Variants in CACNA2D4 observed in about 807,000 individuals in gnomAD.
CACNA2D4 encodes calcium voltage-gated channel auxiliary subunit alpha2delta 4.
CACNA2D4 carries 157 observed loss-of-function variants against 163.8 expected under a neutral mutation model. That is an observed-to-expected ratio of 0.96 (90% confidence interval 0.84 to 1.09). The LOEUF (loss-of-function observed/expected upper bound fraction) is 1.09. Ranked by LOEUF, CACNA2D4 falls within the 50% of genes least tolerant of loss-of-function variation. The pLI, the probability that CACNA2D4 is intolerant of heterozygous loss-of-function variation, is 0.00. For synonymous variants in CACNA2D4, 598 were observed against 586.9 expected (o/e 1.02, Z -0.27); for missense variants, 1,410 against 1,479.9 (o/e 0.95, Z 0.78).
rs1347230332 is a variant in CACNA2D4 at position 1,885,995 on chromosome 12, G to A, written c.1038C>T (p.Ile346=). The stretch of plus-strand genomic sequence containing the variant: ...GATTGTCTCGGTCCGCCTGGACGAG[G>A]ATCCCTTTAAAACAAGGCTCGATGT... ...VHYIEPCFKG[I]LVQADRDNRE... Residue 346 remains isoleucine (I), a synonymous_variant, in exon 9 of 38, where the codon ATC becomes ATT. Coordinates refer to ENST00000382722, the MANE Select transcript of CACNA2D4 (RefSeq NM_172364.5). 1.2e-6 allele frequency: 2 copies of A among 1,613,518 alleles called. No homozygotes were observed. Among genetic ancestry groups the A allele is most frequent in the African/African-American group, 1.3e-5 (1 of 74,896 alleles).
In CACNA2D4 at chr12:1,854,048, G is replaced by T. The variant is rs766212376; in HGVS notation, c.2153-4C>A. 6.2e-7 allele frequency: 1 copy of T among 1,604,488 alleles called. No homozygotes were observed. Among genetic ancestry groups the T allele is most frequent in the Non-Finnish European group, 8.5e-7 (1 of 1,174,534 alleles). On this transcript the variant is annotated splice_region_variant and splice_polypyrimidine_tract_variant and intron_variant, in intron 22 of 37. Coordinates refer to ENST00000382722, the MANE Select transcript of CACNA2D4 (RefSeq NM_172364.5). Reference sequence around the variant, plus strand: ...TCCCGGACCAGCTCCTCGTCACCTGGGTGCAAAACATCAGGGAACCAGGCC... The same window carrying T: ...TCCCGGACCAGCTCCTCGTCACCTGTGTGCAAAACATCAGGGAACCAGGCC...
intron 6 of CACNA2D4, among the ~76,000 whole-genome samples, chr12:1,901,318 G>T (rs1866531595): frequency 1.3e-5 from 2 of 151,642 alleles, no homozygotes; most frequent in Admixed American, 1.3e-4. Context: ...CAAACCAAAA[G>T]TTAGTAGAAG....
In CACNA2D4 at chr12:1,793,766, A is replaced by G. The variant is rs771223358; in HGVS notation, c.3310-7T>C. Reference sequence around the variant, plus strand: ...CGCAGTCCTGGGCATTCTCCTGCGAACGCAGAGCAGAGGTGACAGCGCGGC... The same window carrying G: ...CGCAGTCCTGGGCATTCTCCTGCGAGCGCAGAGCAGAGGTGACAGCGCGGC... On this transcript the variant is annotated splice_region_variant and splice_polypyrimidine_tract_variant and intron_variant, in intron 37 of 37. Transcript: ENST00000382722. The G allele has an allele frequency of 6.2e-7, 1 of 1,611,806 alleles. No homozygotes were observed. Among genetic ancestry groups the G allele is most frequent in the Admixed American group, 1.7e-5 (1 of 60,006 alleles).
chr12:1,879,827 C>A lies in CACNA2D4; in HGVS notation c.1540G>T (p.Val514Phe). Residue 514 changes from valine to phenylalanine, a missense_variant, in exon 14 of 38, where the codon GTC becomes TTC. Transcript: ENST00000382722. ...ACCGTTTCGTTCTTCTTGCTGAAGA[C>A]TGGCATGGCCACAGTGGTGAGCAGT... ...LTLLTTVAMPVFSKKNETRSH... is the reference protein window; with the variant it reads ...LTLLTTVAMPFFSKKNETRSH... The A allele has an allele frequency of 6.2e-7, 1 of 1,603,124 alleles. No homozygotes were observed. Among genetic ancestry groups the A allele is most frequent in the Non-Finnish European group, 8.5e-7 (1 of 1,174,908 alleles).
At chr12:1,897,903 G>A (rs1021348046) in intron 6 of CACNA2D4, among the ~76,000 whole-genome samples, 2 of 152,110 alleles carry the variant, frequency 1.3e-5, no homozygotes, top group South Asian at 2.1e-4. Context: ...CCAACAATGA[G>A]AGCACACATA....
chr12:1,846,890 C>T (rs1261215266), intron 23 of CACNA2D4, among the ~76,000 whole-genome samples: 1 of 152,248 alleles, frequency 6.6e-6, no homozygotes. Flanking sequence ...TCAGGCCCGG[C>T]TTCCGGGCAG....
chr12:1,799,573 T>G lies in CACNA2D4; in HGVS notation c.2995+102A>C. On this transcript the variant is annotated intron_variant, in intron 34 of 37. Coordinates refer to ENST00000382722, the MANE Select transcript of CACNA2D4 (RefSeq NM_172364.5). This position sits in a 1 kb window ranked among gnomAD's most constrained non-coding sequence, Gnocchi z 4.7. ...TAAACCAGGAGAGCTCAGCCCTGCT[T>G]GGGGTCATTCCTGGGACAGGTCATG... 8.0e-7 allele frequency: 1 copy of G among 1,248,638 alleles called. No homozygotes were observed. Among genetic ancestry groups the G allele is most frequent in the Non-Finnish European group, 1.1e-6 (1 of 875,708 alleles). 77.3% of individuals were successfully genotyped at this position (1,248,638 alleles called of 1,614,324 possible).
intron 18 of CACNA2D4, among the ~76,000 whole-genome samples, chr12:1,867,517 G>A (rs946980898): frequency 1.1e-4 from 16 of 151,920 alleles, no homozygotes; most frequent in Admixed American, 7.9e-4. Context: ...TTTCAGATAC[G>A]GTACTTTTTG....
At chr12:1,898,677 CT>C (rs1866463682) in intron 6 of CACNA2D4, among the ~76,000 whole-genome samples, 2 of 149,298 alleles carry the variant, frequency 1.3e-5, no homozygotes, top group African/African-American at 4.9e-5. Context: ...TCCCACAACT[CT>C]GTGTGTGTGT....
intron 23 of CACNA2D4, 83 bp downstream of exon 23, chr12:1,853,868 C>G (rs1865341835): frequency 9.3e-7 from 1 of 1,080,164 alleles, no homozygotes; most frequent in Admixed American, 2.0e-5. Context: ...GAGCCACCAG[C>G]CAGATGGTGA....
At chr12:1,861,915 G>A (rs901504634) in intron 18 of CACNA2D4, among the ~76,000 whole-genome samples, 1 of 152,174 alleles carries the variant, frequency 6.6e-6, no homozygotes, top group East Asian at 1.9e-4. Flanking sequence ...CTCCTTCACA[G>A]GCAAACTCTG....
intron 26 of CACNA2D4, among the ~76,000 whole-genome samples, chr12:1,832,326 G>A (rs774944158): frequency 2.3e-4 from 35 of 152,314 alleles, no homozygotes; most frequent in South Asian, 4.1e-4. Context: ...TATCTATTTC[G>A]TAGGGTCATT....
At chr12:1,846,407 G>A (rs528649443) in intron 24 of CACNA2D4, among the ~76,000 whole-genome samples, 187 bp downstream of exon 24, 18 of 151,116 alleles carry the variant, frequency 1.2e-4, no homozygotes, top group African/African-American at 3.4e-4. Context: ...GTAAGCCTTC[G>A]GGGAAGGGCT....
At chr12:1,892,136 AAG>A (rs1457294931) in intron 6 of CACNA2D4, among the ~76,000 whole-genome samples, 1 of 152,218 alleles carries the variant, frequency 6.6e-6, no homozygotes, top group Non-Finnish European at 1.5e-5. Context: ...GTTAAGGACA[AAG>A]AGAGAATTCT....
intron 29 of CACNA2D4, among the ~76,000 whole-genome samples, chr12:1,803,303 G>T (rs1350607929): frequency 6.6e-6 from 1 of 152,238 alleles, no homozygotes; most frequent in Non-Finnish European, 1.5e-5. Flanking sequence ...AACAACCAGA[G>T]AAGTTCTCTC....
chr12:1,916,705 G>A (rs1226347346), intron 1 of CACNA2D4, among the ~76,000 whole-genome samples: 1 of 152,228 alleles, frequency 6.6e-6, no homozygotes, highest in African/African-American at 2.4e-5. Flanking sequence ...AACAGGGTCT[G>A]GGGTGACAAG....
chr12:1,862,119 T>G (rs1405822818), intron 18 of CACNA2D4, among the ~76,000 whole-genome samples: 2 of 152,226 alleles, frequency 1.3e-5, no homozygotes, highest in African/African-American at 4.8e-5. Flanking sequence ...GCTTCTACGC[T>G]CATCGATTGA....
chr12:1,799,926 G>T lies in CACNA2D4; in HGVS notation c.2974+74C>A. On this transcript the variant is annotated intron_variant, in intron 33 of 37. Coordinates refer to ENST00000382722, the MANE Select transcript of CACNA2D4 (RefSeq NM_172364.5). The surrounding 1 kb of genome is among the most constrained non-coding windows in gnomAD (Gnocchi z 4.7). ...TATCCCCACTGTCACCCACCCCACA[G>T]GGAATGGTCTCACGTTAGTGGACCA... 2 of 1,484,310 alleles carry T rather than the reference G, an allele frequency of 1.3e-6. No homozygotes were observed. The highest frequency in any genetic ancestry group is 2.5e-5 in the East Asian group (1 of 40,802). The allele number at this position is 1,484,310 out of a possible 1,614,324, so 91.9% of individuals were successfully genotyped here. A position where few individuals can be genotyped will look rare whatever the true frequency, so the allele number is the denominator to read the frequency against.
chr12:1,819,590 T>A (rs1864012545), intron 26 of CACNA2D4, among the ~76,000 whole-genome samples: 1 of 152,180 alleles, frequency 6.6e-6, no homozygotes, highest in Non-Finnish European at 1.5e-5. Flanking sequence ...GGGTTCGTGC[T>A]CCAGGCTGGT....
Sources: gnomAD v4.1 joint callset for allele counts (sites outside exome capture counted in the v4.1 genomes callset) on GRCh38, gnomAD v4.1.1 for gene constraint, Gnocchi (gnomAD v3.1) non-coding constraint, MANE v1.5 for transcripts, NCBI Gene and HGNC (gene_info 2026-07-23, HGNC 2026-07-21) for gene names.